Variants in HS6ST3 observed in about 807,000 individuals in gnomAD.
HS6ST3 encodes the protein heparan sulfate 6-O-sulfotransferase 3.
A neutral mutation model predicts 36.7 loss-of-function variants in HS6ST3; 12 were observed. The observed-to-expected ratio is 0.33, with a 90% CI of 0.21 to 0.53. The LOEUF is 0.53. Ranked by LOEUF, HS6ST3 falls within the 20% of genes least tolerant of loss-of-function variation. HS6ST3 has a pLI of 0.95. For synonymous variants in HS6ST3, 240 were observed against 257.5 expected (o/e 0.93, Z 0.65); for missense variants, 584 against 640.9 (o/e 0.91, Z 0.96).
chr13:96,100,727 A>G lies in HS6ST3; in HGVS notation c.707+9158A>G, dbSNP rs528251260. ...TCCAGAGTGAATCCACTTAGAAGCT[A>G]AAGGGCAAGAGAGCTGATGCATTCT... On this transcript the variant is annotated intron_variant, in intron 1 of 1. Coordinates refer to ENST00000376705, the MANE Select transcript of HS6ST3 (RefSeq NM_153456.4). Among the ~76,000 whole-genome samples the G allele has an allele frequency of 4.8e-4, 73 of 152,316 alleles. 2 individuals are homozygous for G. Among genetic ancestry groups the G allele is most frequent in the African/African-American group, 1.7e-3 (71 of 41,570 alleles).
chr13:96,788,495 TG>T (rs1229236525), intron 1 of HS6ST3, among the ~76,000 whole-genome samples: 1 of 151,902 alleles, frequency 6.6e-6, no homozygotes, highest in Admixed American at 6.6e-5. Context: ...TTCATCAGCC[TG>T]TAATTTTTAG....
chr13:96,230,167 C>G (rs1327221527), intron 1 of HS6ST3, among the ~76,000 whole-genome samples: 1 of 151,882 alleles, frequency 6.6e-6, no homozygotes, highest in Non-Finnish European at 1.5e-5. Context: ...GTTGAAGGAC[C>G]CTGAGAAGAG....
intron 1 of HS6ST3, among the ~76,000 whole-genome samples, chr13:96,555,288 T>C (rs2056236204): frequency 6.6e-6 from 1 of 152,170 alleles, no homozygotes; most frequent in South Asian, 2.1e-4. Flanking sequence ...CAAAACGTCA[T>C]GTTGTACACT....
chr13:96,789,762 T>TA (rs1877737202), intron 1 of HS6ST3, among the ~76,000 whole-genome samples: 9 of 151,428 alleles, frequency 5.9e-5, no homozygotes, highest in South Asian at 2.1e-4. Flanking sequence ...TGGTTTAGAT[T>TA]TAAAAAAAAA....
chr13:96,610,754 T>C (rs887124209), intron 1 of HS6ST3, among the ~76,000 whole-genome samples: 1 of 152,020 alleles, frequency 6.6e-6, no homozygotes, highest in Admixed American at 6.6e-5. Context: ...TCTGAAAGCA[T>C]ATAACTTGTA....
intron 1 of HS6ST3, among the ~76,000 whole-genome samples, chr13:96,515,331 G>A (rs964189639): frequency 1.3e-5 from 2 of 152,198 alleles, no homozygotes; most frequent in African/African-American, 4.8e-5. Context: ...AGTCCAAATT[G>A]TGGGGATTGG....
intron 1 of HS6ST3, among the ~76,000 whole-genome samples, chr13:96,783,901 G>A (rs369312431): frequency 1.3e-5 from 2 of 151,994 alleles, no homozygotes; most frequent in South Asian, 2.1e-4. Flanking sequence ...AACTCTCACG[G>A]TGCTGCACCC....
intron 1 of HS6ST3, among the ~76,000 whole-genome samples, chr13:96,154,207 A>G (rs936435612): frequency 2.0e-5 from 3 of 152,140 alleles, no homozygotes; most frequent in African/African-American, 7.2e-5. Flanking sequence ...TTAGAGTGGC[A>G]GACTCATCAG....
chr13:96,128,833 A>G (rs999025048), intron 1 of HS6ST3, among the ~76,000 whole-genome samples: 3 of 150,830 alleles, frequency 2.0e-5, no homozygotes, highest in African/African-American at 7.4e-5. Context: ...GGTTTATCAA[A>G]GTATTTTTTT....
At chr13:96,361,865 A>G (rs562450052) in intron 1 of HS6ST3, among the ~76,000 whole-genome samples, 4 of 152,310 alleles carry the variant, frequency 2.6e-5, no homozygotes, top group Non-Finnish European at 4.4e-5. Context: ...GAAAAACATT[A>G]CAATCTTATT....
intron 1 of HS6ST3, among the ~76,000 whole-genome samples, chr13:96,321,117 CTT>C (rs111895118): frequency 6.8e-6 from 1 of 147,100 alleles, no homozygotes; most frequent in Non-Finnish European, 1.5e-5. Flanking sequence ...GTGAACTCAA[CTT>C]TTTTTTTTTA....
intron 1 of HS6ST3, among the ~76,000 whole-genome samples, chr13:96,166,181 C>T (rs1314160448): frequency 3.3e-5 from 5 of 152,082 alleles, no homozygotes; most frequent in African/African-American, 4.8e-5. Context: ...CCTCAGCCTC[C>T]TGAATATCTG....
chr13:96,417,660 GTAAA>G (rs1271251043), intron 1 of HS6ST3, among the ~76,000 whole-genome samples: 1 of 113,526 alleles, frequency 8.8e-6, no homozygotes, highest in Non-Finnish European at 1.8e-5. Flanking sequence ...ATGTATATAT[GTAAA>G]TAAACATTTA....
intron 1 of HS6ST3, among the ~76,000 whole-genome samples, chr13:96,170,409 A>C (rs914670355): frequency 2.0e-5 from 3 of 152,222 alleles, no homozygotes; most frequent in Non-Finnish European, 2.9e-5. Flanking sequence ...AGAGAATAGC[A>C]ACTTGATGTC....
chr13:96,187,971 G>A (rs530603990), intron 1 of HS6ST3, among the ~76,000 whole-genome samples: 1 of 152,174 alleles, frequency 6.6e-6, no homozygotes, highest in Non-Finnish European at 1.5e-5. Context: ...AGCCATTCAA[G>A]TTCTAATCAT....
Position 96,090,895 on chromosome 13 carries a change from G to C in HS6ST3, c.33G>C (p.Thr11=). The change falls in exon 1 of 2, where the codon ACG becomes ACC. Residue 11 remains threonine (T), a synonymous_variant. Transcript: ENST00000376705. ...AAAGGTTCAACAAGTGGCTGCTGAC[G>C]CCGGTGCTCACTCTCCTCTTCGTGG... MDERFNKWLL[T]PVLTLLFVVI... is the part of the protein sequence containing the mutation. 6.6e-7 allele frequency: 1 copy of C among 1,513,726 alleles called. No individual in the cohort carries two copies. The highest frequency in any genetic ancestry group is 1.5e-5 in the African/African-American group (1 of 68,938). 93.8% of individuals were successfully genotyped at this position (1,513,726 alleles called of 1,614,324 possible). A position where few individuals can be genotyped will look rare whatever the true frequency, so the allele number is the denominator to read the frequency against.
At chr13:96,332,023 C>G (rs1031567765) in intron 1 of HS6ST3, among the ~76,000 whole-genome samples, 2 of 152,234 alleles carry the variant, frequency 1.3e-5, no homozygotes, top group Non-Finnish European at 2.9e-5. Context: ...TGAGGCAATG[C>G]CTCGCCTTGC....
rs1243645525 is a variant in HS6ST3, at chr13:96,090,852, A to T, written c.-11A>T. On this transcript the variant is annotated 5_prime_UTR_variant, in exon 1 of 2. It removes the in-frame stop codon of an upstream open reading frame in the 5' UTR. Coordinates refer to ENST00000376705, the MANE Select transcript of HS6ST3 (RefSeq NM_153456.4). ...CGCCGCCGCTTCGCCTGCCGGCCTGAGAGCGGGACCATGGATGAAAGGTTC... is the reference window on the plus strand; with the variant it reads ...CGCCGCCGCTTCGCCTGCCGGCCTGTGAGCGGGACCATGGATGAAAGGTTC... The T allele has an allele frequency of 6.7e-7, 1 of 1,482,834 alleles. No individual in the cohort carries two copies. The highest frequency in any genetic ancestry group is 9.0e-7 in the Non-Finnish European group (1 of 1,111,140). 91.9% of individuals were successfully genotyped at this position (1,482,834 alleles called of 1,614,324 possible). A position where few individuals can be genotyped will look rare whatever the true frequency, so the allele number is the denominator to read the frequency against.
chr13:96,289,405 G>A (rs965736830), intron 1 of HS6ST3, among the ~76,000 whole-genome samples: 2 of 152,100 alleles, frequency 1.3e-5, no homozygotes, highest in Non-Finnish European at 2.9e-5. Context: ...TGGTAGACTG[G>A]AATAAGTACC....
Sources: allele counts gnomAD v4.1 joint callset (sites outside exome capture counted in the v4.1 genomes callset), GRCh38; gene constraint gnomAD v4.1.1; transcripts MANE v1.5; gene names NCBI Gene and HGNC (gene_info 2026-07-23, HGNC 2026-07-21).